Variants in CLYBL observed in about 807,000 individuals in gnomAD.
The protein encoded by CLYBL is citramalyl-CoA lyase, mitochondrial.
In CLYBL, 31 loss-of-function variants were observed where a neutral mutation model predicts 38.9. The ratio of observed to expected loss-of-function variants is 0.80; its 90% CI spans 0.60 to 1.08. CLYBL has a LOEUF of 1.08. Among genes scored for constraint, CLYBL ranks in the 50% least tolerant of loss-of-function variants. The pLI is 0.00. For synonymous variants in CLYBL, 171 were observed against 158.6 expected (o/e 1.08, Z -0.59); for missense variants, 434 against 411.6 (o/e 1.05, Z -0.47).
chr13:99,838,799 C>T (rs2050998462), intron 2 of CLYBL, among the ~76,000 whole-genome samples: 1 of 90,156 alleles, frequency 1.1e-5, no homozygotes, highest in South Asian at 3.0e-4. Flanking sequence ...CCACGCCTGG[C>T]TAATTTTTTG....
intron 3 of CLYBL, among the ~76,000 whole-genome samples, chr13:99,862,543 G>A (rs1216651648): frequency 1.3e-5 from 2 of 152,182 alleles, no homozygotes; most frequent in African/African-American, 4.8e-5. Context: ...GAATAATATG[G>A]ACTCCACGTA....
At chr13:99,619,976 G>A (rs145157219) in intron 1 of CLYBL, among the ~76,000 whole-genome samples, 4 of 152,236 alleles carry the variant, frequency 2.6e-5, no homozygotes, top group South Asian at 2.1e-4. Context: ...TGGTTTTACC[G>A]CCTTCTCCTG....
chr13:99,700,558 G>A (rs2048049912), intron 1 of CLYBL, among the ~76,000 whole-genome samples: 1 of 152,182 alleles, frequency 6.6e-6, no homozygotes, highest in African/African-American at 2.4e-5. Flanking sequence ...TCCTGTGGTG[G>A]TGTTTGTGAT....
intron 9 of CLYBL, among the ~76,000 whole-genome samples, chr13:99,907,742 C>T (rs2052711284): frequency 6.6e-6 from 1 of 152,052 alleles, no homozygotes; most frequent in African/African-American, 2.4e-5. Context: ...GCTTGTAGTC[C>T]CAGCTACTCA....
At chr13:99,659,700 T>C (rs922324649) in intron 1 of CLYBL, among the ~76,000 whole-genome samples, 4 of 152,228 alleles carry the variant, frequency 2.6e-5, no homozygotes, top group African/African-American at 9.6e-5. Flanking sequence ...GAAACTTACA[T>C]ATTGGCATAG....
intron 2 of CLYBL, among the ~76,000 whole-genome samples, chr13:99,776,773 C>T (rs17577328): frequency 0.013 from 1,931 of 152,032 alleles, 21 homozygotes; most frequent in Non-Finnish European, 0.022. Context: ...ATAGTGCTGA[C>T]GATATGCTGG....
intron 1 of CLYBL, among the ~76,000 whole-genome samples, chr13:99,644,232 G>GTGTA (rs751236448): frequency 4.0e-5 from 6 of 151,700 alleles, no homozygotes; most frequent in Non-Finnish European, 8.8e-5. Context: ...TGTATATGTG[G>GTGTA]TGTATGTATG....
At chr13:99,615,036 A>T (rs750561397) in intron 1 of CLYBL, among the ~76,000 whole-genome samples, 7 of 152,202 alleles carry the variant, frequency 4.6e-5, no homozygotes, top group Non-Finnish European at 1.0e-4. Context: ...TAATAACAGG[A>T]TATCTGCAGG....
chr13:99,872,191 ACT>A (rs1703518857), intron 7 of CLYBL, among the ~76,000 whole-genome samples: 1 of 152,114 alleles, frequency 6.6e-6, no homozygotes, highest in African/African-American at 2.4e-5. Flanking sequence ...ACATGGGCAC[ACT>A]CACACACCAG....
At chr13:99,737,185 C>A (rs573136528) in intron 1 of CLYBL, among the ~76,000 whole-genome samples, 47 of 134,596 alleles carry the variant, frequency 3.5e-4, no homozygotes, top group African/African-American at 1.2e-3. Flanking sequence ...AGCTCCTTAG[C>A]CCAGCAGCAG....
At chr13:99,655,978 C>A (rs1476828097) in intron 1 of CLYBL, among the ~76,000 whole-genome samples, 1 of 152,152 alleles carries the variant, frequency 6.6e-6, no homozygotes, top group Admixed American at 6.5e-5. Flanking sequence ...AAGACGATTC[C>A]TTATTGTCTT....
Position 99,750,420 on chromosome 13 carries a change from A to G in CLYBL, c.63-22404A>G, listed in dbSNP as rs562885912. On this transcript the variant is annotated intron_variant, in intron 1 of 8. Transcript: ENST00000339105. ...TACTGATGGCCAGGCGCGGTGGCTC[A>G]TGCCTGTAATCCCAACCTTTAGACA... Among the ~76,000 whole-genome samples the G allele has an allele frequency of 2.6e-5, 4 of 152,290 alleles. No individual in the cohort carries two copies. In the South Asian group the frequency reaches 8.3e-4, roughly 32 times the overall value.
intron 1 of CLYBL, among the ~76,000 whole-genome samples, chr13:99,710,702 A>C (rs74112542): frequency 0.023 from 3,443 of 151,900 alleles, 127 homozygotes; most frequent in African/African-American, 0.078. Flanking sequence ...ATCTTGGTAC[A>C]CCATTTAGCC....
At chr13:99,720,466 CA>C (rs1555293871) in intron 1 of CLYBL, among the ~76,000 whole-genome samples, 1 of 152,126 alleles carries the variant, frequency 6.6e-6, no homozygotes, top group Non-Finnish European at 1.5e-5. Flanking sequence ...ACTCTCTGCT[CA>C]CCATCGCTCC....
downstream of CLYBL, chr13:99,896,081 CCCGGTGCGCGCGGAGCCGGGGCCG>C (rs1263514775): frequency 2.0e-5 from 3 of 150,864 alleles, no homozygotes; most frequent in Non-Finnish European, 3.0e-5. Flanking sequence ...CGCCCGCGCC[CCCGGTGCGCGCGGAGCCGGGGCCG>C]AGGCCGGGCC....
intron 4 of CLYBL, among the ~76,000 whole-genome samples, chr13:99,864,467 T>C (rs1280932991): frequency 1.3e-5 from 2 of 152,198 alleles, no homozygotes; most frequent in African/African-American, 4.8e-5. Flanking sequence ...TTCTCCCCTG[T>C]GGTTTTACGA....
intron 1 of CLYBL, among the ~76,000 whole-genome samples, chr13:99,729,682 G>A (rs1487033286): frequency 2.0e-5 from 3 of 152,172 alleles, no homozygotes; most frequent in African/African-American, 7.2e-5. Context: ...TCCTTTCTCT[G>A]TCAATTAGCA....
At chr13:99,763,657 C>T (rs1437549646) in intron 1 of CLYBL, among the ~76,000 whole-genome samples, 5 of 150,950 alleles carry the variant, frequency 3.3e-5, no homozygotes, top group East Asian at 2.0e-4. Context: ...CGAGTTCAAG[C>T]GATTCTCCTG....
intron 2 of CLYBL, among the ~76,000 whole-genome samples, chr13:99,792,077 T>C (rs2049929433): frequency 6.6e-6 from 1 of 152,216 alleles, no homozygotes; most frequent in South Asian, 2.1e-4. Context: ...TTACTTATTT[T>C]TTTTCCCTCC....
Sources: gnomAD v4.1 joint callset for allele counts (sites outside exome capture counted in the v4.1 genomes callset) on GRCh38, gnomAD v4.1.1 for gene constraint, MANE v1.5 for transcripts, NCBI Gene and HGNC (gene_info 2026-07-23, HGNC 2026-07-21) for gene names.